Variants in GET1 observed in about 807,000 individuals in gnomAD.
GET1 encodes the protein guided entry of tail-anchored proteins factor 1.
In GET1, 20 loss-of-function variants were observed where a neutral mutation model predicts 22.6. The observed-to-expected ratio is 0.89, with a 90% CI of 0.62 to 1.29. The LOEUF (loss-of-function observed/expected upper bound fraction) is 1.29, where lower values mean the gene tolerates loss of function less well. Ranked by LOEUF, GET1 falls within the 50% of genes most tolerant of loss-of-function variation. The pLI is 0.00. For synonymous variants in GET1, 92 were observed against 83.8 expected (o/e 1.10, Z -0.53); for missense variants, 209 against 219.9 (o/e 0.95, Z 0.31).
intron 1 of GET1, 60 bp from the exon 2 acceptor site, chr21:39,390,637 CT>C: frequency 6.3e-7 from 1 of 1,591,350 alleles, no homozygotes. Context: ...TAGCGGGGGA[CT>C]GGGGAACCCT....
chr21:39,396,913 G>T lies in GET1; in HGVS notation c.499G>T (p.Ala167Ser). ...CWILVCNKVV[A>S]IVLHPFS ...GATTTTAGTCTGTAACAAAGTTGTC[G>T]CTATTGTGCTTCATCCGTTCAGCTG... The change falls in exon 5 of 5, where the codon GCT becomes TCT. Residue 167 changes from alanine (A) to serine (S), a missense_variant. By Grantham distance (99) the Ala-to-Ser change is moderately conservative (BLOSUM62 1). Coordinates refer to ENST00000649170, the MANE Select transcript of GET1 (RefSeq NM_004627.6). 1 of 1,613,990 alleles carries T rather than the reference G, an allele frequency of 6.2e-7. No homozygotes were observed. Among genetic ancestry groups the T allele is most frequent in the Non-Finnish European group, 8.5e-7 (1 of 1,180,016 alleles).
intron 1 of GET1, among the ~76,000 whole-genome samples, chr21:39,388,690 T>G (rs1284294744): frequency 6.6e-6 from 1 of 152,190 alleles, no homozygotes; most frequent in Non-Finnish European, 1.5e-5. Context: ...CTGAGGGATC[T>G]GGTCTTGGGG....
downstream of GET1, among the ~76,000 whole-genome samples, chr21:39,398,350 A>G (rs1300323156): frequency 6.6e-6 from 1 of 152,198 alleles, no homozygotes; most frequent in Non-Finnish European, 1.5e-5. Flanking sequence ...TCAACAGTGC[A>G]CCGGCCATGT....
chr21:39,387,998 A>C (rs956933641), intron 1 of GET1: 1 of 365,194 alleles, frequency 2.7e-6, no homozygotes, highest in Non-Finnish European at 3.8e-6. Flanking sequence ...TATACAGTCA[A>C]TACCGATAAC....
intron 2 of GET1, chr21:39,391,568 G>A (rs117266211): frequency 0.018 from 9,486 of 535,162 alleles, 144 homozygotes; most frequent in South Asian, 0.045. Context: ...CTCAATCTGA[G>A]TCGGATACTA....
chr21:39,419,525 AAAAAAAAAAAG>A (rs1018144625), intron 1 of GET1, among the ~76,000 whole-genome samples: 17 of 144,478 alleles, frequency 1.2e-4, no homozygotes, highest in African/African-American at 4.2e-4. Context: ...ACCCTGTTCA[AAAAAAAAAAAG>A]AAAAAAGAAA....
chr21:39,406,844 G>C, downstream of GET1: 2 of 432,178 alleles, frequency 4.6e-6, no homozygotes, highest in African/African-American at 2.0e-5. Flanking sequence ...GAAACCAAAA[G>C]AAAAATGACA....
At chr21:39,396,818 G>GGCAGA in intron 4 of GET1, 48 bp from the exon 5 acceptor site, 1 of 1,536,078 alleles carries the variant, frequency 6.5e-7, no homozygotes, top group Admixed American at 1.7e-5. Flanking sequence ...GACAGATGGG[G>GGCAGA]GCAGCACTGC....
chr21:39,388,166 G>C (rs1026692320), intron 1 of GET1, among the ~76,000 whole-genome samples: 1 of 152,156 alleles, frequency 6.6e-6, no homozygotes, highest in Non-Finnish European at 1.5e-5. Context: ...CTTGAGCTCA[G>C]GAGTTCACTG....
At chr21:39,399,157 T>C (rs1807093373), downstream of GET1, among the ~76,000 whole-genome samples, 1 of 152,254 alleles carries the variant, frequency 6.6e-6, no homozygotes, top group African/African-American at 2.4e-5. Context: ...TTTCCTCTGT[T>C]AACAGTTTTT....
At chr21:39,426,293 TAC>T (rs982549601) in intron 1 of GET1, among the ~76,000 whole-genome samples, 1 of 152,192 alleles carries the variant, frequency 6.6e-6, no homozygotes, top group African/African-American at 2.4e-5. Flanking sequence ...GAGGAATATA[TAC>T]TCCAAGAGTA....
chr21:39,389,016 A>G (rs2038116422), intron 1 of GET1, among the ~76,000 whole-genome samples: 3 of 152,158 alleles, frequency 2.0e-5, no homozygotes, highest in Admixed American at 6.5e-5. Flanking sequence ...ATTGAAGCCA[A>G]CACCACAAGA....
chr21:39,399,654 T>A (rs928303410), downstream of GET1, among the ~76,000 whole-genome samples: 2 of 152,154 alleles, frequency 1.3e-5, no homozygotes, highest in African/African-American at 4.8e-5. Flanking sequence ...TTGGCCGGGC[T>A]GGTCTTGAAC....
rs1243529147 is a variant in GET1 at position 39,397,108 on chromosome 21, C to T, written c.*169C>T. ...TTATGAGAGAGTCTTATAAGAATCA[C>T]GATTTTCTACACCTGTCATTGAGCC... is the stretch of plus-strand genomic sequence containing the variant. On this transcript the variant is annotated 3_prime_UTR_variant, in exon 5 of 5. Transcript: ENST00000649170. 1.0e-5 allele frequency: 7 copies of T among 681,306 alleles called. No individual in the cohort carries two copies. Among genetic ancestry groups the T allele is most frequent in the East Asian group, 5.5e-5 (2 of 36,376 alleles). The allele number at this position is 681,306 out of a possible 1,614,324, so 42.2% of individuals were successfully genotyped here.
At chr21:39,414,605 C>T (rs2040711191) in intron 1 of GET1, among the ~76,000 whole-genome samples, 1 of 152,076 alleles carries the variant, frequency 6.6e-6, no homozygotes, top group South Asian at 2.1e-4. Flanking sequence ...GAGTTCACTG[C>T]TTGAACTGCC....
At position 39,390,731 on chromosome 21, in the gene GET1, G is replaced by C; in HGVS notation, c.136G>C (p.Glu46Gln). 1.2e-6 allele frequency: 2 copies of C among 1,614,168 alleles called. No individual in the cohort carries two copies. Among genetic ancestry groups the C allele is most frequent in the Non-Finnish European group, 1.7e-6 (2 of 1,180,036 alleles). Residue 46 changes from glutamate to glutamine, a missense_variant, in exon 2 of 5, where the codon GAG becomes CAG. Physicochemically the swap from Glu to Gln is conservative, Grantham distance 29 (BLOSUM62 2). Coordinates refer to ENST00000649170, the MANE Select transcript of GET1 (RefSeq NM_004627.6). ...SRVLQKDAEQ[E>Q]SQMRAEIQDM... ...GGTGCTGCAGAAGGACGCGGAGCAG[G>C]AGTCACAGATGAGAGCGGAGATCCA...
chr21:39,427,426 G>T (rs1165975835), intron 1 of GET1, among the ~76,000 whole-genome samples: 2 of 152,180 alleles, frequency 1.3e-5, no homozygotes, highest in Admixed American at 1.3e-4. Flanking sequence ...ACTTTGGGAG[G>T]CCGAGGCAGG....
At chr21:39,381,602 A>G (rs1375224197) in intron 1 of GET1, among the ~76,000 whole-genome samples, 1 of 152,204 alleles carries the variant, frequency 6.6e-6, no homozygotes, top group Non-Finnish European at 1.5e-5. Flanking sequence ...GGCATTGCAT[A>G]AAAGACTCCT....
At chr21:39,425,184 GA>G (rs2074457683) in intron 1 of GET1, among the ~76,000 whole-genome samples, 6 of 152,194 alleles carry the variant, frequency 3.9e-5, no homozygotes, top group Admixed American at 3.9e-4. Flanking sequence ...TCTGGAGAGG[GA>G]AGGACACTTA....
Sources: gnomAD v4.1 joint callset for allele counts (sites outside exome capture counted in the v4.1 genomes callset) on GRCh38, gnomAD v4.1.1 for gene constraint, MANE v1.5 for transcripts, NCBI Gene and HGNC (gene_info 2026-07-23, HGNC 2026-07-21) for gene names.